The following EIF2S1 variants were observed in gnomAD, a reference collection of about 807,000 sequenced individuals.
The protein encoded by EIF2S1 is eukaryotic translation initiation factor 2 subunit 1.
Under a neutral mutation model 33.5 loss-of-function variants are expected in EIF2S1, and 5 were observed. The observed-to-expected ratio is 0.15, with a 90% CI of 0.08 to 0.31. The LOEUF (loss-of-function observed/expected upper bound fraction) is 0.31. EIF2S1 is among the 10% of genes least tolerant of loss of function. The pLI, the probability that EIF2S1 is intolerant of heterozygous loss-of-function variation, is 1.00. For synonymous variants in EIF2S1, 99 were observed against 127.5 expected (o/e 0.78, Z 1.51); for missense variants, 191 against 384.6 (o/e 0.50, Z 4.21).
rs898228432 is a variant in EIF2S1 at position 67,360,919 on chromosome 14, C to T, written c.-2+463C>T. 4.6e-5 allele frequency among the ~76,000 whole-genome samples: 7 copies of T among 152,274 alleles called. No individual in the cohort carries two copies. In the East Asian group the frequency reaches 1.4e-3, roughly 29 times the overall value. ...AGTGGAAACCAAACTGGCCTCTTAC[C>T]TGAGAAACCTGTGGGACGGGCACCG... is the stretch of plus-strand genomic sequence containing the variant. On this transcript the variant is annotated intron_variant, in intron 1 of 7. Transcript: ENST00000256383.
At chr14:67,364,577 A>C in intron 1 of EIF2S1, 190 bp from the exon 2 acceptor site, 3 of 543,050 alleles carry the variant, frequency 5.5e-6, no homozygotes, top group Non-Finnish European at 9.3e-6. Flanking sequence ...GCAAAATAAA[A>C]ATTAAAGCTT....
chr14:67,367,861 G>A (rs932046406), intron 2 of EIF2S1, among the ~76,000 whole-genome samples: 2 of 151,968 alleles, frequency 1.3e-5, no homozygotes, highest in Non-Finnish European at 2.9e-5. Context: ...AGAGGTGAAG[G>A]AAGTTCTTTA....
chr14:67,361,132 C>G (rs183398798), intron 1 of EIF2S1, among the ~76,000 whole-genome samples: 3 of 152,230 alleles, frequency 2.0e-5, no homozygotes, highest in Admixed American at 6.5e-5. Flanking sequence ...TAACTAAAAC[C>G]TAAGATAAGG....
At chr14:67,373,027 T>A (rs1186618467) in intron 2 of EIF2S1, among the ~76,000 whole-genome samples, 1 of 152,212 alleles carries the variant, frequency 6.6e-6, no homozygotes, top group African/African-American at 2.4e-5. Context: ...ATCAATAGAT[T>A]GACTTTTTAA....
intron 2 of EIF2S1, among the ~76,000 whole-genome samples, 194 bp downstream of exon 2, chr14:67,365,202 G>A (rs938627389): frequency 4.6e-5 from 7 of 152,270 alleles, no homozygotes; most frequent in African/African-American, 1.7e-4. Context: ...AGTTTAATTA[G>A]TACATCCTAG....
intron 1 of EIF2S1, among the ~76,000 whole-genome samples, chr14:67,361,730 C>G (rs997178150): frequency 3.9e-5 from 6 of 152,148 alleles, no homozygotes; most frequent in Admixed American, 3.3e-4. Flanking sequence ...GTGGCTGATA[C>G]TTTTTACATC....
chr14:67,374,713 G>A (rs888292267), intron 3 of EIF2S1, 166 bp downstream of exon 3: 3 of 440,940 alleles, frequency 6.8e-6, no homozygotes, highest in African/African-American at 6.0e-5. Context: ...TTAACTGTGG[G>A]TGACTTCAAC....
chr14:67,367,770 A>G (rs1437947948), intron 2 of EIF2S1, among the ~76,000 whole-genome samples: 1 of 151,772 alleles, frequency 6.6e-6, no homozygotes, highest in Admixed American at 6.6e-5. Context: ...CAGGAGGCGG[A>G]GGCTGCAGTG....
chr14:67,370,200 T>C lies in EIF2S1; in HGVS notation c.242-4268T>C, dbSNP rs182256293. ...CGGGCCAGGTGTTCCTTGCCCTCAT[T>C]CCTGTAAACCCACAACCTTCCAGCT... On this transcript the variant is annotated intron_variant, in intron 2 of 7. Coordinates refer to ENST00000256383, the MANE Select transcript of EIF2S1 (RefSeq NM_004094.5). 8.5e-3 allele frequency among the ~76,000 whole-genome samples: 1,292 copies of C among 152,340 alleles called. 12 individuals are homozygous for C. Among genetic ancestry groups the C allele is most frequent in the Admixed American group, 0.018 (278 of 15,308 alleles).
intron 2 of EIF2S1, among the ~76,000 whole-genome samples, chr14:67,366,050 A>G (rs2085776094): frequency 6.6e-6 from 1 of 151,574 alleles, no homozygotes; most frequent in Admixed American, 6.6e-5. Context: ...TCACTGTCCT[A>G]GTAGTACCTA....
intron 4 of EIF2S1, among the ~76,000 whole-genome samples, chr14:67,378,393 A>G (rs1421534913): frequency 1.4e-5 from 2 of 145,390 alleles, no homozygotes; most frequent in Non-Finnish European, 3.0e-5. Context: ...TAACATTTAT[A>G]TAATTCTAAC....
intron 2 of EIF2S1, among the ~76,000 whole-genome samples, chr14:67,370,605 A>C (rs1217850302): frequency 2.0e-5 from 3 of 152,210 alleles, no homozygotes; most frequent in African/African-American, 7.2e-5. Flanking sequence ...CATCTCAACA[A>C]ATCAGGTGAA....
intron 7 of EIF2S1, 46 bp downstream of exon 7, chr14:67,382,636 A>T (rs764150749): frequency 6.2e-7 from 1 of 1,607,766 alleles, no homozygotes; most frequent in Non-Finnish European, 8.5e-7. Context: ...GGAGGTTCCT[A>T]AAAGGAGTTC....
intron 2 of EIF2S1, among the ~76,000 whole-genome samples, 173 bp downstream of exon 2, chr14:67,365,181 CTCT>C (rs1343328885): frequency 2.0e-5 from 3 of 152,084 alleles, no homozygotes; most frequent in Non-Finnish European, 4.4e-5. Context: ...TAAGCAAGAT[CTCT>C]TAATAGTAGT....
In EIF2S1 at chr14:67,386,121, G is replaced by A. The variant is rs1595652972; in HGVS notation, c.*2681G>A. The A allele has an allele frequency of 6.6e-6, 1 of 152,628 alleles. No homozygotes were observed. The highest frequency in any genetic ancestry group is 2.1e-4 in the South Asian group (1 of 4,830). The allele number at this position is 152,628 out of a possible 1,614,324, so 9.5% of individuals were successfully genotyped here. On this transcript the variant is annotated 3_prime_UTR_variant, in exon 8 of 8. Transcript: ENST00000256383. The stretch of plus-strand genomic sequence containing the variant: ...GAGGCAGGAAGCCATCAAACTAAAC[G>A]TAGTTTAATTCAGATGAACACCTAT...
chr14:67,367,498 G>A (rs1369142741), intron 2 of EIF2S1, among the ~76,000 whole-genome samples: 1 of 152,190 alleles, frequency 6.6e-6, no homozygotes, highest in African/African-American at 2.4e-5. Context: ...CAAAGTGCTG[G>A]GATTACAGGC....
At chr14:67,381,207 C>T (rs952765578) in intron 5 of EIF2S1, among the ~76,000 whole-genome samples, 5 of 152,182 alleles carry the variant, frequency 3.3e-5, no homozygotes, top group Non-Finnish European at 5.9e-5. Flanking sequence ...TAAACCTTAA[C>T]ATAAACCCGT....
chr14:67,383,504 G>A lies in EIF2S1; in HGVS notation c.*64G>A. On this transcript the variant is annotated 3_prime_UTR_variant, in exon 8 of 8. Coordinates refer to ENST00000256383, the MANE Select transcript of EIF2S1 (RefSeq NM_004094.5). ...CAGCGCTTCCTGGCTGTAAATCCTA[G>A]ACTTGAAAGTTTTCCAGTATTGAAA... 6.3e-7 allele frequency: 1 copy of A among 1,597,240 alleles called. No homozygotes were observed. The highest frequency in any genetic ancestry group is 8.5e-7 in the Non-Finnish European group (1 of 1,169,952).
chr14:67,365,803 GTT>G (rs1291060749), intron 2 of EIF2S1, among the ~76,000 whole-genome samples: 2 of 152,108 alleles, frequency 1.3e-5, no homozygotes, highest in African/African-American at 2.4e-5. Context: ...CAGCCGTCTG[GTT>G]TACTGATACT....
Sources: gnomAD v4.1 joint callset for allele counts (sites outside exome capture counted in the v4.1 genomes callset) on GRCh38, gnomAD v4.1.1 for gene constraint, MANE v1.5 for transcripts, NCBI Gene and HGNC (gene_info 2026-07-23, HGNC 2026-07-21) for gene names.